Variants in CACNA1I observed in about 807,000 individuals in gnomAD.
The protein encoded by CACNA1I is calcium voltage-gated channel subunit alpha1 I, also known as voltage-dependent T-type calcium channel subunit alpha-1I.
In CACNA1I, 74 loss-of-function variants were observed where a neutral mutation model predicts 201.6. The ratio of observed to expected loss-of-function variants is 0.37; its 90% CI spans 0.30 to 0.45. CACNA1I has a LOEUF of 0.45. Among genes scored for constraint, CACNA1I ranks in the 20% least tolerant of loss-of-function variants. The probability of loss-of-function intolerance (pLI) is 1.00; values close to 1 mark genes in which losing one functional copy is unlikely to be tolerated. For missense variants in CACNA1I, 2,346 were observed against 3,138.1 expected, an observed-to-expected ratio of 0.75 and a Z score of 6.03; for synonymous variants, 1,431 against 1,345.2, an observed-to-expected ratio of 1.06 and a Z score of -1.40.
chr22:39,630,634 G>A (rs1394122871), intron 4 of CACNA1I, among the ~76,000 whole-genome samples: 2 of 152,252 alleles, frequency 1.3e-5, no homozygotes, highest in African/African-American at 4.8e-5. Context: ...CGGGGAGGAG[G>A]AGGCAGAGCC....
intron 4 of CACNA1I, among the ~76,000 whole-genome samples, chr22:39,622,079 A>G (rs1247608693): frequency 6.6e-6 from 1 of 152,184 alleles, no homozygotes; most frequent in Non-Finnish European, 1.5e-5. Context: ...CTTCCCCAAC[A>G]GTGTGTGATT....
rs984643585 is a variant in CACNA1I, at chr22:39,634,691, G to T, written c.707G>T (p.Arg236Leu). Residue 236 changes from arginine to leucine, a missense_variant, in exon 5 of 37, where the codon CGT (arginine) becomes CTT (leucine). By Grantham distance (102) the Arg-to-Leu change is moderately radical (BLOSUM62 -2). Around this residue, in one of 13 missense-constraint regions of CACNA1I, gnomAD observed 227 missense variants for 412.5 expected, o/e 0.55. Coordinates refer to ENST00000402142, the MANE Select transcript of CACNA1I (RefSeq NM_021096.4). ...GTGCAGCTCTGGGCGGGCCTGCTGCGTAACCGCTGCTTCCTGGAGGAGAAC... is the reference window on the plus strand; with the variant it reads ...GTGCAGCTCTGGGCGGGCCTGCTGCTTAACCGCTGCTTCCTGGAGGAGAAC... ...IGVQLWAGLL[R>L]NRCFLEENFT... The T allele has an allele frequency of 6.2e-7, 1 of 1,613,652 alleles. No individual in the cohort carries two copies. Among genetic ancestry groups the T allele is most frequent in the Non-Finnish European group, 8.5e-7 (1 of 1,179,792 alleles).
intron 1 of CACNA1I, among the ~76,000 whole-genome samples, chr22:39,572,164 A>G (rs1182972904): frequency 6.6e-6 from 1 of 152,054 alleles, no homozygotes; most frequent in Non-Finnish European, 1.5e-5. Flanking sequence ...GATTTGAAGC[A>G]GGGTCTGGAG....
chr22:39,631,388 C>G (rs1934057766), intron 4 of CACNA1I, among the ~76,000 whole-genome samples: 1 of 152,222 alleles, frequency 6.6e-6, no homozygotes, highest in African/African-American at 2.4e-5. Context: ...TAGCCTGTCC[C>G]CATCATGGCC....
At chr22:39,660,584 G>GA (rs1464093501) in intron 15 of CACNA1I, 147 bp downstream of exon 15, 4 of 577,640 alleles carry the variant, frequency 6.9e-6, no homozygotes, top group Non-Finnish European at 1.2e-5. Context: ...TTCATAATTG[G>GA]AAAAAATGTG....
intron 1 of CACNA1I, among the ~76,000 whole-genome samples, chr22:39,587,268 C>T (rs569712242): frequency 6.6e-6 from 1 of 152,324 alleles, no homozygotes; most frequent in South Asian, 2.1e-4. Context: ...GAAGGGCTCA[C>T]TCCCTTGCCC....
intron 3 of CACNA1I, among the ~76,000 whole-genome samples, chr22:39,605,789 G>T (rs1298319046): frequency 1.3e-5 from 2 of 152,064 alleles, no homozygotes; most frequent in African/African-American, 4.8e-5. Context: ...CAGAGAGCTG[G>T]GGGAAAGGGA....
At chr22:39,667,745 G>A (rs767278054) in intron 23 of CACNA1I, among the ~76,000 whole-genome samples, 1 of 152,104 alleles carries the variant, frequency 6.6e-6, no homozygotes, top group Non-Finnish European at 1.5e-5. Context: ...TACAGATGAG[G>A]AAATGGGCCC....
At chr22:39,678,334 T>C (rs1241476208) in intron 31 of CACNA1I, among the ~76,000 whole-genome samples, 1 of 152,178 alleles carries the variant, frequency 6.6e-6, no homozygotes, top group Non-Finnish European at 1.5e-5. Flanking sequence ...TTGCCTGGGA[T>C]CAGGGCTCAG....
chr22:39,588,127 C>CCTT (rs1569049152), intron 1 of CACNA1I, among the ~76,000 whole-genome samples: 1 of 82,208 alleles, frequency 1.2e-5, no homozygotes, highest in Non-Finnish European at 2.7e-5. Flanking sequence ...AGTTGCTCTT[C>CCTT]ATTTTTTTTT....
Position 39,570,958 on chromosome 22 carries a change from G to A in CACNA1I, c.206G>A (p.Arg69Gln). ...FFCLRQTTSP[R>Q]NWCIKMVCNP... ...TGCCTGCGACAGACCACCAGCCCCC[G>A]GAACTGGTGCATCAAGATGGTGTGC... Residue 69 changes from arginine to glutamine, a missense_variant, in exon 1 of 37, where the codon CGG becomes CAG. Around this residue, in one of 13 missense-constraint regions of CACNA1I, gnomAD observed 130 missense variants for 160.7 expected, o/e 0.81. Transcript: ENST00000402142. 1 of 1,613,808 alleles carries A rather than the reference G, an allele frequency of 6.2e-7. No individual in the cohort carries two copies. The highest frequency in any genetic ancestry group is 8.5e-7 in the Non-Finnish European group (1 of 1,179,864).
At chr22:39,572,157 T>G (rs1339386511) in intron 1 of CACNA1I, among the ~76,000 whole-genome samples, 1 of 152,156 alleles carries the variant, frequency 6.6e-6, no homozygotes, top group East Asian at 1.9e-4. Flanking sequence ...AGGGCAGGAT[T>G]TGAAGCAGGG....
intron 10 of CACNA1I, among the ~76,000 whole-genome samples, chr22:39,652,170 A>G (rs542050329): frequency 6.6e-6 from 1 of 151,966 alleles, no homozygotes; most frequent in Admixed American, 6.6e-5. Context: ...CTCCCAGCTA[A>G]TTTTTAGTAG....
At chr22:39,605,569 A>T (rs1216531606) in intron 3 of CACNA1I, among the ~76,000 whole-genome samples, 1 of 152,244 alleles carries the variant, frequency 6.6e-6, no homozygotes, top group East Asian at 1.9e-4. Flanking sequence ...AAGATGAACA[A>T]GACAGGCCCT....
intron 10 of CACNA1I, among the ~76,000 whole-genome samples, chr22:39,654,453 C>T (rs1934753406): frequency 6.6e-6 from 1 of 151,790 alleles, no homozygotes; most frequent in Admixed American, 6.5e-5. Context: ...CTGGGTAGGG[C>T]TGACCCCAGG....
At chr22:39,639,603 T>C (rs1934303490) in intron 5 of CACNA1I, among the ~76,000 whole-genome samples, 1 of 152,214 alleles carries the variant, frequency 6.6e-6, no homozygotes, top group South Asian at 2.1e-4. Flanking sequence ...TGAGATGATT[T>C]ATATGTCTAT....
At chr22:39,603,354 G>T (rs6001635) in intron 3 of CACNA1I, among the ~76,000 whole-genome samples, 5,173 of 152,034 alleles carry the variant, frequency 0.034, 270 homozygotes, top group African/African-American at 0.12. Flanking sequence ...CTTTGACTTG[G>T]GCTTCTGAAT....
At chr22:39,664,594 CT>C (rs1479161116) in intron 20 of CACNA1I, 144 bp from the exon 21 acceptor site, 1 of 579,798 alleles carries the variant, frequency 1.7e-6, no homozygotes, top group Non-Finnish European at 3.1e-6. Flanking sequence ...CTCCCCTTCC[CT>C]TCGGCCCCGC....
chr22:39,634,497 C>T, intron 4 of CACNA1I, 68 bp from the exon 5 acceptor site: 1 of 1,496,702 alleles, frequency 6.7e-7, no homozygotes, highest in Non-Finnish European at 9.3e-7. Flanking sequence ...TCTAACCTTG[C>T]TCTCACTCTT....
Sources: gnomAD v4.1 joint callset for allele counts (sites outside exome capture counted in the v4.1 genomes callset) on GRCh38, gnomAD v4.1.1 for gene constraint, gnomAD v4.1.1 regional missense constraint, MANE v1.5 for transcripts, NCBI Gene and HGNC (gene_info 2026-07-23, HGNC 2026-07-21) for gene names.